AAK1: variants seen among roughly 807,000 people sequenced by gnomAD.
The protein encoded by AAK1 is AP2-associated protein kinase 1.
AAK1 carries 37 observed loss-of-function variants against 116.0 expected under a neutral mutation model. The ratio of observed to expected loss-of-function variants is 0.32; its 90% CI spans 0.25 to 0.42. The LOEUF (loss-of-function observed/expected upper bound fraction) is 0.42, where lower values mean the gene tolerates loss of function less well. AAK1 is among the 10% of genes least tolerant of loss of function. The pLI, the probability that AAK1 is intolerant of heterozygous loss-of-function variation, is 1.00. For missense variants in AAK1, 919 were observed against 1,170.6 expected, an observed-to-expected ratio of 0.79 and a Z score of 3.14; for synonymous variants, 458 against 439.9, an observed-to-expected ratio of 1.04 and a Z score of -0.51.
intron 17 of AAK1, among the ~76,000 whole-genome samples, chr2:69,485,877 T>A (rs1210137256): frequency 6.6e-6 from 1 of 151,978 alleles, no homozygotes; most frequent in East Asian, 1.9e-4. Context: ...CAGGTTGGTC[T>A]CGAACTCCTG....
chr2:69,567,566 T>A (rs1264300927), intron 2 of AAK1, among the ~76,000 whole-genome samples: 1 of 151,862 alleles, frequency 6.6e-6, no homozygotes, highest in African/African-American at 2.4e-5. Context: ...CAATAAAAAA[T>A]TTTAAAAAAA....
chr2:69,591,082 G>C (rs1673007182), intron 2 of AAK1, among the ~76,000 whole-genome samples: 1 of 152,178 alleles, frequency 6.6e-6, no homozygotes, highest in Non-Finnish European at 1.5e-5. Flanking sequence ...ATATTGTATG[G>C]AGCATTTATT....
At chr2:69,585,433 T>C (rs952042781) in intron 2 of AAK1, among the ~76,000 whole-genome samples, 4 of 152,146 alleles carry the variant, frequency 2.6e-5, no homozygotes, top group African/African-American at 9.7e-5. Context: ...TGGTTAACAT[T>C]TATGCTTCGG....
chr2:69,610,255 G>C (rs897589788), intron 2 of AAK1, among the ~76,000 whole-genome samples: 1 of 152,064 alleles, frequency 6.6e-6, no homozygotes, highest in Non-Finnish European at 1.5e-5. Context: ...ATTCAAGGGG[G>C]AAAGGATAAC....
At chr2:69,570,428 A>G (rs1672048632) in intron 2 of AAK1, among the ~76,000 whole-genome samples, 1 of 152,006 alleles carries the variant, frequency 6.6e-6, no homozygotes, top group Non-Finnish European at 1.5e-5. Context: ...CACTTATCAT[A>G]ATGTATTGTG....
At chr2:69,640,039 ACACACACACACACACT>A (rs1356577094) in intron 2 of AAK1, among the ~76,000 whole-genome samples, 1 of 143,422 alleles carries the variant, frequency 7.0e-6, no homozygotes, top group Non-Finnish European at 1.5e-5. Flanking sequence ...ACACACACAC[ACACACACACACACACT>A]CTCTCTCTCT....
intron 15 of AAK1, 100 bp from the exon 16 acceptor site, chr2:69,505,773 T>C: frequency 1.3e-6 from 1 of 775,880 alleles, no homozygotes; most frequent in South Asian, 1.8e-5. Context: ...ACTTCTGGAC[T>C]TGACTACTTT....
At chr2:69,561,248 G>A (rs961771874) in intron 2 of AAK1, among the ~76,000 whole-genome samples, 3 of 152,136 alleles carry the variant, frequency 2.0e-5, no homozygotes, top group African/African-American at 7.2e-5. Flanking sequence ...AAGTGACACA[G>A]CTCATGTTCC....
chr2:69,476,050 C>T (rs1674845201), intron 21 of AAK1, 87 bp from the exon 22 acceptor site: 3 of 1,448,846 alleles, frequency 2.1e-6, no homozygotes, highest in Non-Finnish European at 1.8e-6. Context: ...AAAACCAAAC[C>T]AAAACCAAAA....
chr2:69,559,728 C>G (rs537417965), intron 2 of AAK1, among the ~76,000 whole-genome samples: 1 of 152,284 alleles, frequency 6.6e-6, no homozygotes, highest in South Asian at 2.1e-4. Flanking sequence ...CTATAAAAAC[C>G]ATGTGATACC....
At chr2:69,598,917 G>A in intron 2 of AAK1, 1 of 381,492 alleles carries the variant, frequency 2.6e-6, no homozygotes, top group South Asian at 2.2e-5. Context: ...ATTACTTTTT[G>A]ATAGATTATG....
Position 69,530,123 on chromosome 2 carries a change from CAACA to C in AAK1, c.752_755del (p.Leu251CysfsTer38). The C allele has an allele frequency of 6.2e-7, 1 of 1,609,332 alleles. No homozygotes were observed. Among genetic ancestry groups the C allele is most frequent in the Non-Finnish European group, 8.5e-7 (1 of 1,178,510 alleles). On this transcript the variant is annotated frameshift_variant, in exon 8 of 22. Coordinates refer to ENST00000409085, the MANE Select transcript of AAK1 (RefSeq NM_014911.5). LOFTEE classifies it high-confidence loss of function. Reference sequence around the variant, plus strand: ...GCAAAGTGAAGTAGCATAATTTATACAACAAACATCCAAGAGCCTAAAAAATAAA... The same window carrying C: ...GCAAAGTGAAGTAGCATAATTTATACAACATCCAAGAGCCTAAAAAATAAA...
At chr2:69,511,285 T>C (rs1259760784) in intron 13 of AAK1, among the ~76,000 whole-genome samples, 1 of 152,232 alleles carries the variant, frequency 6.6e-6, no homozygotes, top group Non-Finnish European at 1.5e-5. Context: ...GCTTGGGATA[T>C]TGACTGCCCT....
At position 69,467,618 on chromosome 2, in the gene AAK1, T is replaced by G; in HGVS notation, c.*8251A>C. The G allele has an allele frequency of 1.8e-5, 18 of 985,446 alleles. No homozygotes were observed. Among genetic ancestry groups the G allele is most frequent in the Non-Finnish European group, 2.0e-5 (17 of 829,932 alleles). 61.0% of individuals were successfully genotyped at this position (985,446 alleles called of 1,614,324 possible). A position where few individuals can be genotyped will look rare whatever the true frequency, so the allele number is the denominator to read the frequency against. On this transcript the variant is annotated 3_prime_UTR_variant, in exon 22 of 22. Coordinates refer to ENST00000409085, the MANE Select transcript of AAK1 (RefSeq NM_014911.5). ...GGATAAGAATATTAGATACAATGAT[T>G]TGGAGCCATAGATGACCCAGAACCT...
chr2:69,604,861 CT>C (rs1673731497), intron 2 of AAK1, among the ~76,000 whole-genome samples: 1 of 152,140 alleles, frequency 6.6e-6, no homozygotes, highest in Non-Finnish European at 1.5e-5. Context: ...AACCTTTCTC[CT>C]TCTAGACTCT....
At chr2:69,483,459 T>C (rs1310967952) in intron 17 of AAK1, among the ~76,000 whole-genome samples, 1 of 152,262 alleles carries the variant, frequency 6.6e-6, no homozygotes, top group Non-Finnish European at 1.5e-5. Flanking sequence ...GTACCACACT[T>C]TGTTGATCCA....
chr2:69,527,620 C>T (rs932031019), intron 8 of AAK1, among the ~76,000 whole-genome samples: 4 of 152,284 alleles, frequency 2.6e-5, no homozygotes, highest in African/African-American at 9.6e-5. Context: ...CACCTTCATA[C>T]TCCGATACCT....
chr2:69,553,335 G>A (rs566257450), intron 3 of AAK1, among the ~76,000 whole-genome samples: 10 of 151,636 alleles, frequency 6.6e-5, no homozygotes, highest in East Asian at 1.9e-4. Flanking sequence ...ATAGTAGAAC[G>A]GTGCTTTAAA....
At chr2:69,480,412 T>C (rs1423474485) in intron 19 of AAK1, among the ~76,000 whole-genome samples, 1 of 152,112 alleles carries the variant, frequency 6.6e-6, no homozygotes, top group Admixed American at 6.5e-5. Context: ...AAATTACCTA[T>C]ACAGGATTAA....
Sources: gnomAD v4.1 joint callset for allele counts (sites outside exome capture counted in the v4.1 genomes callset) on GRCh38, gnomAD v4.1.1 for gene constraint, MANE v1.5 for transcripts, NCBI Gene and HGNC (gene_info 2026-07-23, HGNC 2026-07-21) for gene names.